The following RFC1 variants were observed in gnomAD, a reference collection of about 807,000 sequenced individuals.
RFC1 encodes the protein replication factor C subunit 1, also known as A1 140 kDa subunit.
A neutral mutation model predicts 137.4 loss-of-function variants in RFC1; 37 were observed. That is an observed-to-expected ratio of 0.27 (90% confidence interval 0.21 to 0.35). The LOEUF (loss-of-function observed/expected upper bound fraction) is 0.35, where lower values mean the gene tolerates loss of function less well. Ranked by LOEUF, RFC1 falls within the 10% of genes least tolerant of loss-of-function variation. RFC1 has a pLI of 1.00. For synonymous variants in RFC1, 429 were observed against 455.7 expected, an observed-to-expected ratio of 0.94 and a Z score of 0.75; for missense variants, 1,205 against 1,358.5, an observed-to-expected ratio of 0.89 and a Z score of 1.78.
At chr4:39,323,808 G>A (rs1425488064) in intron 6 of RFC1, among the ~76,000 whole-genome samples, 1 of 152,126 alleles carries the variant, frequency 6.6e-6, no homozygotes, top group African/African-American at 2.4e-5. Context: ...CATCTGGGGA[G>A]TACAAAAATA....
intron 2 of RFC1, among the ~76,000 whole-genome samples, chr4:39,346,313 C>T (rs1740855459): frequency 6.6e-6 from 1 of 152,078 alleles, no homozygotes. Flanking sequence ...TCCGTCTCTA[C>T]TAAAAATACA....
At chr4:39,360,921 C>G (rs1228624543) in intron 1 of RFC1, among the ~76,000 whole-genome samples, 1 of 152,138 alleles carries the variant, frequency 6.6e-6, no homozygotes, top group Non-Finnish European at 1.5e-5. Context: ...TATTTTAAAA[C>G]AGCCCACCAA....
intron 11 of RFC1, among the ~76,000 whole-genome samples, chr4:39,311,924 T>C (rs1385305176): frequency 6.6e-6 from 1 of 152,212 alleles, no homozygotes; most frequent in African/African-American, 2.4e-5. Flanking sequence ...CCTTCTTCCC[T>C]GCTGATGGAA....
chr4:39,349,596 AT>A (rs1741082712), intron 2 of RFC1, among the ~76,000 whole-genome samples: 1 of 152,210 alleles, frequency 6.6e-6, no homozygotes, highest in Non-Finnish European at 1.5e-5. Flanking sequence ...ATTTTGTAGT[AT>A]TTTGTCATGG....
chr4:39,342,404 A>G lies in RFC1; in HGVS notation c.272T>C (p.Val91Ala). The G allele has an allele frequency of 6.2e-7, 1 of 1,613,656 alleles. No homozygotes were observed. The highest frequency in any genetic ancestry group is 8.5e-7 in the Non-Finnish European group (1 of 1,179,674). ...NAKKPPEKLP[V>A]SSKPGKISRQ... ...TGAAATTTTACCAGGTTTAGAAGAT[A>G]CTGGCAGTTTTTCTGGTGGCTTTTT... The change falls in exon 4 of 25, where the codon GTA (valine) becomes GCA (alanine). Residue 91 changes from valine to alanine, a missense_variant. Physicochemically the swap from Val to Ala is moderately conservative, Grantham distance 64 (BLOSUM62 0). Coordinates refer to ENST00000349703, the MANE Select transcript of RFC1 (RefSeq NM_002913.5).
rs924142779 is a variant in RFC1, at chr4:39,300,209, C to G, written c.2690+51G>C. ...GGTCCCTTCTTCACGGGTATTTAGCCTTCGCAGTGCTGGATACTAAGCACA... is the reference window on the plus strand; with the variant it reads ...GGTCCCTTCTTCACGGGTATTTAGCGTTCGCAGTGCTGGATACTAAGCACA... On this transcript the variant is annotated intron_variant, in intron 20 of 24. Transcript: ENST00000349703. 1.1e-5 allele frequency: 18 copies of G among 1,611,842 alleles called. No individual in the cohort carries two copies. The East Asian group carries it at 4.0e-4, about 36-fold the overall frequency.
At chr4:39,341,384 T>C (rs1292738745) in intron 4 of RFC1, 1 of 347,122 alleles carries the variant, frequency 2.9e-6, no homozygotes, top group African/African-American at 2.1e-5. Flanking sequence ...GGCAGATATT[T>C]AGCAACAGCA....
At chr4:39,349,643 C>A in intron 2 of RFC1, among the ~76,000 whole-genome samples, 1 of 152,120 alleles carries the variant, frequency 6.6e-6, no homozygotes, top group East Asian at 1.9e-4. Flanking sequence ...AGAATCAGGA[C>A]AAAAGGCATT....
chr4:39,302,181 T>C, intron 19 of RFC1, 97 bp downstream of exon 19: 1 of 740,810 alleles, frequency 1.3e-6, no homozygotes, highest in African/African-American at 1.7e-5. Flanking sequence ...TCCACAGGCA[T>C]ACCAAGGAAC....
intron 2 of RFC1, among the ~76,000 whole-genome samples, chr4:39,350,245 A>T (rs1301834945): frequency 6.6e-6 from 1 of 152,166 alleles, no homozygotes; most frequent in Admixed American, 6.5e-5. Context: ...AGGCTCAATG[A>T]TCCGTGAGAC....
chr4:39,296,238 CTTTTT>C (rs1254857918), intron 21 of RFC1, among the ~76,000 whole-genome samples: 35 of 116,528 alleles, frequency 3.0e-4, no homozygotes, highest in Non-Finnish European at 4.9e-4. Flanking sequence ...TTTTCACTTT[CTTTTT>C]TTTTTTCTTT....
In RFC1 at chr4:39,300,409, T is replaced by A. The variant is rs2066786; in HGVS notation, c.2541A>T (p.Pro847=). 5.0e-6 allele frequency: 8 copies of A among 1,613,084 alleles called. No individual in the cohort carries two copies. Among genetic ancestry groups the A allele is most frequent in the Non-Finnish European group, 6.8e-6 (8 of 1,179,472 alleles). The part of the protein sequence containing the change: ...HRAKKDIKMG[P]FDVARKVFAA... ...CAAACACTTTCCGGGCAACATCAAATGGGCCCTGAAAAAAGAGAGGGACAC... is the reference window on the plus strand; with the variant it reads ...CAAACACTTTCCGGGCAACATCAAAAGGGCCCTGAAAAAAGAGAGGGACAC... Residue 847 remains proline, a synonymous_variant, in exon 20 of 25, where the codon CCA becomes CCT. Coordinates refer to ENST00000349703, the MANE Select transcript of RFC1 (RefSeq NM_002913.5).
intron 10 of RFC1, among the ~76,000 whole-genome samples, chr4:39,316,103 G>A (rs1209409668): frequency 4.6e-5 from 7 of 152,142 alleles, no homozygotes; most frequent in Non-Finnish European, 1.0e-4. Flanking sequence ...GGTGGCGCAC[G>A]CCTGTAATCC....
intron 22 of RFC1, among the ~76,000 whole-genome samples, chr4:39,294,233 A>G (rs1737851504): frequency 6.6e-6 from 1 of 152,240 alleles, no homozygotes; most frequent in Non-Finnish European, 1.5e-5. Flanking sequence ...CAAGATAATA[A>G]AATAGAATTT....
At chr4:39,352,189 T>C (rs1228226191) in intron 1 of RFC1, among the ~76,000 whole-genome samples, 1 of 152,144 alleles carries the variant, frequency 6.6e-6, no homozygotes, top group Non-Finnish European at 1.5e-5. Flanking sequence ...TTGGAGAATA[T>C]GATCCTTGTC....
At chr4:39,343,582 G>C (rs1413816200) in intron 3 of RFC1, among the ~76,000 whole-genome samples, 3 of 152,066 alleles carry the variant, frequency 2.0e-5, no homozygotes, top group African/African-American at 7.2e-5. Context: ...CTCTTCCCCT[G>C]CACCATGCAT....
intron 2 of RFC1, among the ~76,000 whole-genome samples, chr4:39,346,808 C>A (rs139788174): frequency 6.6e-6 from 1 of 152,146 alleles, no homozygotes; most frequent in Non-Finnish European, 1.5e-5. Context: ...AAGGAGAAAG[C>A]CACAGAAAGA....
chr4:39,334,922 A>C (rs180908817), intron 4 of RFC1, among the ~76,000 whole-genome samples: 5 of 152,338 alleles, frequency 3.3e-5, no homozygotes, highest in Non-Finnish European at 5.9e-5. Context: ...ACATTCATTT[A>C]TTTAGAAGAA....
intron 1 of RFC1, 106 bp downstream of exon 1, chr4:39,366,133 C>T (rs1742015370): frequency 7.8e-7 from 1 of 1,285,700 alleles, no homozygotes; most frequent in East Asian, 3.0e-5. Context: ...TCCGGAACCA[C>T]CCACCGCCAT....
Sources: gnomAD v4.1 joint callset for allele counts (sites outside exome capture counted in the v4.1 genomes callset) on GRCh38, gnomAD v4.1.1 for gene constraint, MANE v1.5 for transcripts, NCBI Gene and HGNC (gene_info 2026-07-23, HGNC 2026-07-21) for gene names.